TOX2: variants seen among roughly 807,000 people sequenced by gnomAD.
The protein encoded by TOX2 is TOX high mobility group box family member 2.
In TOX2, 15 loss-of-function variants were observed where a neutral mutation model predicts 47.4. The ratio of observed to expected loss-of-function variants is 0.32; its 90% CI spans 0.21 to 0.49. The LOEUF (loss-of-function observed/expected upper bound fraction) is 0.49, where lower values mean the gene tolerates loss of function less well. Among genes scored for constraint, TOX2 ranks in the 20% least tolerant of loss-of-function variants. TOX2 has a pLI of 0.99. For missense variants in TOX2, 622 were observed against 673.1 expected, an observed-to-expected ratio of 0.92 and a Z score of 0.84; for synonymous variants, 290 against 296.6, an observed-to-expected ratio of 0.98 and a Z score of 0.23.
chr20:43,916,199 G>T lies in TOX2; in HGVS notation c.99+1209G>T. ...CTGGCGCAGACGCGTGGGCTCCGTG[G>T]CGATGCGGGGTGAGTGCGCGTCCAG... On this transcript the variant is annotated intron_variant, in intron 1 of 8. Transcript: ENST00000341197. The surrounding 1 kb of genome is among the most constrained non-coding windows in gnomAD (Gnocchi z 5.0). 1.0e-6 allele frequency: 1 copy of T among 985,560 alleles called. No individual in the cohort carries two copies. Among genetic ancestry groups the T allele is most frequent in the Non-Finnish European group, 1.2e-6 (1 of 830,006 alleles). The allele number at this position is 985,560 out of a possible 1,614,324, so 61.1% of individuals were successfully genotyped here. A position where few individuals can be genotyped will look rare whatever the true frequency, so the allele number is the denominator to read the frequency against.
intron 1 of TOX2, among the ~76,000 whole-genome samples, chr20:43,942,673 G>A (rs1290870093): frequency 6.6e-6 from 1 of 151,996 alleles, no homozygotes. Context: ...GCAATAGAGG[G>A]AGACCCTGTC....
Position 44,037,440 on chromosome 20 carries a change from T to C in TOX2, c.412-13866T>C, listed in dbSNP as rs181160614. On this transcript the variant is annotated intron_variant, in intron 3 of 8. Coordinates refer to ENST00000341197, the MANE Select transcript of TOX2 (RefSeq NM_001098797.2). ...GGGCAGGGTCATTGTTACCCCATGT[T>C]GAAGCTGTTAAGATCTGTATGGATA... Among the ~76,000 whole-genome samples, 8 of 152,368 alleles carry C rather than the reference T, an allele frequency of 5.3e-5. No homozygotes were observed. In the East Asian group the frequency reaches 1.5e-3, roughly 29 times the overall value.
At chr20:44,030,228 A>T (rs1171841533) in intron 3 of TOX2, among the ~76,000 whole-genome samples, 2 of 152,136 alleles carry the variant, frequency 1.3e-5, no homozygotes, top group Non-Finnish European at 2.9e-5. Context: ...GAATTTCATC[A>T]GTAATCTGGT....
intron 3 of TOX2, among the ~76,000 whole-genome samples, chr20:44,044,590 G>A (rs555857050): frequency 5.6e-4 from 85 of 152,192 alleles, no homozygotes; most frequent in African/African-American, 2.0e-3. Flanking sequence ...ACACCTATTA[G>A]GATGGCTTCT....
At chr20:44,068,267 C>G (rs958398134) in intron 8 of TOX2, among the ~76,000 whole-genome samples, 4 of 152,104 alleles carry the variant, frequency 2.6e-5, no homozygotes, top group Non-Finnish European at 5.9e-5. Flanking sequence ...GAGGTCAGAC[C>G]CCAGCAGGGC....
At chr20:44,027,050 G>A (rs1016435856) in intron 3 of TOX2, among the ~76,000 whole-genome samples, 2 of 152,126 alleles carry the variant, frequency 1.3e-5, no homozygotes, top group South Asian at 2.1e-4. Context: ...AGTAAAACAC[G>A]GCAGTGTTTG....
chr20:44,045,562 T>C (rs997933044), intron 3 of TOX2, among the ~76,000 whole-genome samples: 20 of 152,238 alleles, frequency 1.3e-4, no homozygotes, highest in African/African-American at 4.8e-4. Flanking sequence ...TTATAGGATA[T>C]CTGCATCTTC....
chr20:43,954,062 A>G (rs1023498051), intron 1 of TOX2, among the ~76,000 whole-genome samples: 4 of 152,198 alleles, frequency 2.6e-5, no homozygotes, highest in Non-Finnish European at 4.4e-5. Context: ...ACTCCCCTGC[A>G]AGAACTCTCC....
At chr20:43,936,305 G>A (rs929391653) in intron 1 of TOX2, among the ~76,000 whole-genome samples, 10 of 152,226 alleles carry the variant, frequency 6.6e-5, no homozygotes, top group African/African-American at 2.4e-4. Context: ...GAGTAGACCA[G>A]ACACATGTTC....
In TOX2 at chr20:43,914,864, A is replaced by AGCCGCCGCC. The variant is rs904066729; in HGVS notation, c.-16_-8dup. 22 of 948,074 alleles carry AGCCGCCGCC rather than the reference A, an allele frequency of 2.3e-5. No homozygotes were observed. The East Asian group carries it at 2.4e-3, about 103-fold the overall frequency. 58.7% of individuals were successfully genotyped at this position (948,074 alleles called of 1,614,324 possible). A position where few individuals can be genotyped will look rare whatever the true frequency, so the allele number is the denominator to read the frequency against. On this transcript the variant is annotated 5_prime_UTR_variant, in exon 1 of 9. Coordinates refer to ENST00000341197, the MANE Select transcript of TOX2 (RefSeq NM_001098797.2). The surrounding 1 kb of genome is among the most constrained non-coding windows in gnomAD (Gnocchi z 4.5). ...CGCCCGCCCAGGCACTGCCCGCGGG[A>AGCCGCCGCC]GCCGCCGCCGCCGCCGCCGCGCCCG...
rs773438850 is a variant in TOX2 at position 44,051,351 on chromosome 20, C to A, written c.457C>A (p.Arg153=). ...GGAAGTGGCTGCCTATGACTCGGGC[C>A]GGCCCGGGCCCCTGCTGGGTCGCCC... ...HSEVAAYDSG[R]PGPLLGRPAM... Residue 153 remains arginine, a synonymous_variant, in exon 4 of 9, where the codon CGG becomes AGG. Coordinates refer to ENST00000341197, the MANE Select transcript of TOX2 (RefSeq NM_001098797.2). 6.2e-7 allele frequency: 1 copy of A among 1,613,152 alleles called. No individual in the cohort carries two copies. Among genetic ancestry groups the A allele is most frequent in the Non-Finnish European group, 8.5e-7 (1 of 1,179,476 alleles).
In TOX2 at chr20:44,068,631, C is replaced by A; in HGVS notation, c.1485-19C>A. ...GAGAGGTACCCAACAGCTTTGACAG[C>A]CCCTCCTCTCTCTCACAGCCTGCTC... On this transcript the variant is annotated intron_variant, in intron 8 of 8. Coordinates refer to ENST00000341197, the MANE Select transcript of TOX2 (RefSeq NM_001098797.2). The A allele has an allele frequency of 6.2e-7, 1 of 1,607,186 alleles. No homozygotes were observed. Among genetic ancestry groups the A allele is most frequent in the Non-Finnish European group, 8.5e-7 (1 of 1,175,110 alleles).
chr20:43,994,826 G>C (rs112273130), intron 2 of TOX2, among the ~76,000 whole-genome samples: 111 of 152,274 alleles, frequency 7.3e-4, no homozygotes, highest in Non-Finnish European at 1.2e-3. Context: ...TAATGTGACT[G>C]CCTGTCATTG....
intron 3 of TOX2, among the ~76,000 whole-genome samples, chr20:44,009,612 G>A (rs565019826): frequency 4.5e-4 from 68 of 152,306 alleles, no homozygotes; most frequent in African/African-American, 1.5e-3. Flanking sequence ...ATGAGCTTGA[G>A]CAGTAGGATA....
chr20:44,061,956 G>A lies in TOX2; in HGVS notation c.880-2821G>A, dbSNP rs552416970. ...TTTGATTAAAACCCTCAGCAAAATC[G>A]GCATAGAAGGGACATACCTTAAGGT... On this transcript the variant is annotated intron_variant, in intron 5 of 8. Transcript: ENST00000341197. 1.5e-4 allele frequency among the ~76,000 whole-genome samples: 21 copies of A among 136,890 alleles called. No homozygotes were observed. The East Asian group carries it at 2.2e-3, about 15-fold the overall frequency. The allele number at this position is 136,890 out of a possible 152,430, so 89.8% of individuals were successfully genotyped here.
intron 1 of TOX2, among the ~76,000 whole-genome samples, chr20:43,943,714 TTCTC>T (rs1306410512): frequency 2.6e-5 from 4 of 152,238 alleles, no homozygotes; most frequent in African/African-American, 4.8e-5. Flanking sequence ...CCTTTGTGTT[TTCTC>T]TCTGACAATC....
At chr20:44,049,373 A>G (rs1289321292) in intron 3 of TOX2, among the ~76,000 whole-genome samples, 1 of 152,242 alleles carries the variant, frequency 6.6e-6, no homozygotes, top group Non-Finnish European at 1.5e-5. Flanking sequence ...AACCTTAACA[A>G]AATCTCAAAC....
chr20:43,945,862 G>C, intron 1 of TOX2: 1 of 1,602,540 alleles, frequency 6.2e-7, no homozygotes, highest in Non-Finnish European at 8.5e-7. Flanking sequence ...TTGTCAGGAG[G>C]GCTTATAAAG....
intron 3 of TOX2, among the ~76,000 whole-genome samples, chr20:44,038,099 G>T (rs2071269006): frequency 6.6e-6 from 1 of 152,198 alleles, no homozygotes; most frequent in South Asian, 2.1e-4. Flanking sequence ...ATTGTGCTCA[G>T]AAATTAACGA....
Sources: gnomAD v4.1 joint callset for allele counts (sites outside exome capture counted in the v4.1 genomes callset) on GRCh38, gnomAD v4.1.1 for gene constraint, Gnocchi (gnomAD v3.1) non-coding constraint, MANE v1.5 for transcripts, NCBI Gene and HGNC (gene_info 2026-07-23, HGNC 2026-07-21) for gene names.